PDE4B: variants seen among roughly 807,000 people sequenced by gnomAD.
The protein encoded by PDE4B is phosphodiesterase 4B.
A neutral mutation model predicts 82.2 loss-of-function variants in PDE4B; 20 were observed. The observed-to-expected ratio is 0.24, with a 90% CI of 0.17 to 0.35. The LOEUF is 0.35. Ranked by LOEUF, PDE4B falls within the 10% of genes least tolerant of loss-of-function variation. PDE4B has a pLI of 1.00. For missense variants in PDE4B, 655 were observed against 907.2 expected, an observed-to-expected ratio of 0.72 and a Z score of 3.57; for synonymous variants, 320 against 318.9, an observed-to-expected ratio of 1.00 and a Z score of -0.04.
At chr1:65,980,475 A>G (rs1165184460) in intron 3 of PDE4B, among the ~76,000 whole-genome samples, 5 of 152,338 alleles carry the variant, frequency 3.3e-5, no homozygotes, top group Middle Eastern at 3.4e-3. Flanking sequence ...GATGGAATCT[A>G]CAACTGTAAT....
At chr1:65,862,630 G>A (rs1355802486) in intron 1 of PDE4B, among the ~76,000 whole-genome samples, 2 of 152,152 alleles carry the variant, frequency 1.3e-5, no homozygotes. Flanking sequence ...AATGGTACTA[G>A]CTCCTCTTTG....
At chr1:66,091,045 T>C (rs968404697) in intron 3 of PDE4B, among the ~76,000 whole-genome samples, 6 of 152,046 alleles carry the variant, frequency 3.9e-5, no homozygotes, top group African/African-American at 1.4e-4. Context: ...ACTATCACAG[T>C]GCCCTTGACA....
intron 3 of PDE4B, among the ~76,000 whole-genome samples, chr1:65,972,133 T>C (rs1340063103): frequency 6.6e-6 from 1 of 152,238 alleles, no homozygotes; most frequent in African/African-American, 2.4e-5. Context: ...TTTAAACTTA[T>C]ATGTTTTGAT....
chr1:65,929,067 C>G (rs1647679514), intron 3 of PDE4B, among the ~76,000 whole-genome samples: 1 of 152,130 alleles, frequency 6.6e-6, no homozygotes, highest in South Asian at 2.1e-4. Context: ...AGCGCACCTC[C>G]TCATGGGTCA....
chr1:66,153,934 T>C (rs1250620872), intron 3 of PDE4B, among the ~76,000 whole-genome samples: 3 of 152,212 alleles, frequency 2.0e-5, no homozygotes, highest in Non-Finnish European at 4.4e-5. Context: ...ATGCCTGATA[T>C]ACCATCATTT....
chr1:66,057,370 G>A (rs969062214), intron 3 of PDE4B, among the ~76,000 whole-genome samples: 5 of 152,196 alleles, frequency 3.3e-5, no homozygotes, highest in Non-Finnish European at 5.9e-5. Flanking sequence ...TGTACTAAAA[G>A]AGTCCTTGGA....
chr1:66,350,107 C>T (rs1404316369), intron 8 of PDE4B, among the ~76,000 whole-genome samples: 1 of 152,008 alleles, frequency 6.6e-6, no homozygotes, highest in Non-Finnish European at 1.5e-5. Flanking sequence ...GCACTGAAGG[C>T]ATTCTGTGCC....
chr1:66,129,659 C>CAAA (rs59846345), intron 3 of PDE4B, among the ~76,000 whole-genome samples: 2 of 94,792 alleles, frequency 2.1e-5, no homozygotes, highest in African/African-American at 9.3e-5. Flanking sequence ...GACTCCGTCT[C>CAAA]AAAAAAAAAA....
At chr1:66,179,292 G>A (rs532380312) in intron 3 of PDE4B, among the ~76,000 whole-genome samples, 2 of 152,308 alleles carry the variant, frequency 1.3e-5, no homozygotes, top group South Asian at 4.2e-4. Flanking sequence ...GGCTATATAA[G>A]TGTCTGTGCA....
At chr1:65,971,329 A>G (rs1185674629) in intron 3 of PDE4B, among the ~76,000 whole-genome samples, 1 of 152,120 alleles carries the variant, frequency 6.6e-6, no homozygotes, top group Non-Finnish European at 1.5e-5. Context: ...TTTCTATATA[A>G]AACATCTCCA....
chr1:65,915,566 A>T lies in PDE4B; in HGVS notation c.42+2210A>T, dbSNP rs76491747. Among the ~76,000 whole-genome samples, 920 of 152,320 alleles carry T rather than the reference A, an allele frequency of 6.0e-3. 38 individuals carry two copies. In the East Asian group the frequency reaches 0.12, roughly 19 times the overall value. On this transcript the variant is annotated intron_variant, in intron 2 of 16. Coordinates refer to ENST00000341517, the MANE Select transcript of PDE4B (RefSeq NM_002600.4). ...ATGACTGAAATAGACAAAACAAAAG[A>T]CAAGTAACAACAGCAACAAAACCTT... is the stretch of plus-strand genomic sequence containing the variant.
chr1:66,060,055 T>G (rs917417281), intron 3 of PDE4B, among the ~76,000 whole-genome samples: 1 of 152,236 alleles, frequency 6.6e-6, no homozygotes, highest in Non-Finnish European at 1.5e-5. Context: ...ATGACCCATA[T>G]GTAAAGATTA....
intron 3 of PDE4B, among the ~76,000 whole-genome samples, chr1:66,146,608 A>G (rs1397044824): frequency 6.6e-6 from 1 of 152,160 alleles, no homozygotes. Context: ...GTGGTCCTGA[A>G]GTTGTGCAAT....
intron 3 of PDE4B, among the ~76,000 whole-genome samples, chr1:66,013,417 C>T (rs1040724480): frequency 3.9e-5 from 6 of 152,092 alleles, no homozygotes; most frequent in Non-Finnish European, 7.4e-5. Flanking sequence ...TCTACATTTT[C>T]AAATCTGGAA....
At chr1:66,266,573 C>T (rs1298932652) in intron 7 of PDE4B, 10 of 396,310 alleles carry the variant, frequency 2.5e-5, no homozygotes, top group South Asian at 1.2e-4. Flanking sequence ...TTCCAGGTCA[C>T]GAATCATTTC....
chr1:65,993,490 T>C (rs1384970287), intron 3 of PDE4B, among the ~76,000 whole-genome samples: 4 of 152,180 alleles, frequency 2.6e-5, no homozygotes, highest in Non-Finnish European at 5.9e-5. Context: ...TTTTTTGTTT[T>C]GTGATTGTTA....
chr1:66,172,553 T>A (rs1646856809), intron 3 of PDE4B, among the ~76,000 whole-genome samples: 1 of 152,194 alleles, frequency 6.6e-6, no homozygotes, highest in Admixed American at 6.5e-5. Context: ...GCTGACCTAA[T>A]TTACATTCTT....
At chr1:66,164,535 C>CAAAAAAAAAAAAAAAAAAA (rs10718019) in intron 3 of PDE4B, among the ~76,000 whole-genome samples, 3 of 48,554 alleles carry the variant, frequency 6.2e-5, no homozygotes, top group Non-Finnish European at 7.1e-5. Flanking sequence ...GACTCCGTCT[C>CAAAAAAAAAAAAAAAAAAA]AAAAAAAAAA....
At chr1:66,112,589 A>G (rs376820785) in intron 3 of PDE4B, among the ~76,000 whole-genome samples, 2 of 152,286 alleles carry the variant, frequency 1.3e-5, no homozygotes, top group South Asian at 4.1e-4. Flanking sequence ...AGGCAGTGAG[A>G]ACATATCTAA....
Sources: allele counts gnomAD v4.1 joint callset (sites outside exome capture counted in the v4.1 genomes callset), GRCh38; gene constraint gnomAD v4.1.1; transcripts MANE v1.5; gene names NCBI Gene and HGNC (gene_info 2026-07-23, HGNC 2026-07-21).